LIN9: variants seen among roughly 807,000 people sequenced by gnomAD.
The protein encoded by LIN9 is lin-9 DREAM MuvB core complex component, also known as protein lin-9 homolog.
In LIN9, 18 loss-of-function variants were observed where a neutral mutation model predicts 78.0. The observed-to-expected ratio is 0.23, with a 90% CI of 0.16 to 0.34. LIN9 has a LOEUF of 0.34. LIN9 is among the 10% of genes least tolerant of loss of function. The pLI is 1.00. For synonymous variants in LIN9, 192 were observed against 215.2 expected, an observed-to-expected ratio of 0.89 and a Z score of 0.94; for missense variants, 451 against 644.1, an observed-to-expected ratio of 0.70 and a Z score of 3.25.
intron 11 of LIN9, among the ~76,000 whole-genome samples, chr1:226,249,891 G>A (rs747117724): frequency 6.6e-6 from 1 of 152,110 alleles, no homozygotes; most frequent in Non-Finnish European, 1.5e-5. Context: ...ACTCTGGGCC[G>A]GGTGCTGTGG....
chr1:226,277,673 T>C (rs1660753698), intron 7 of LIN9, 102 bp downstream of exon 7: 1 of 1,025,208 alleles, frequency 9.8e-7, no homozygotes, highest in Non-Finnish European at 1.4e-6. Context: ...TAAATATTTC[T>C]TGGTAATTAA....
At chr1:226,234,319 A>G (rs1657544532) in intron 12 of LIN9, among the ~76,000 whole-genome samples, 1 of 152,006 alleles carries the variant, frequency 6.6e-6, no homozygotes, top group Non-Finnish European at 1.5e-5. Flanking sequence ...TGTTTTTCTC[A>G]CTCTTAACAC....
chr1:226,274,199 A>G (rs939699887), intron 7 of LIN9, among the ~76,000 whole-genome samples: 1 of 152,220 alleles, frequency 6.6e-6, no homozygotes, highest in Non-Finnish European at 1.5e-5. Context: ...TTGGCAACAC[A>G]ATAATTTCAT....
chr1:226,283,851 G>A (rs1661228099), intron 6 of LIN9, among the ~76,000 whole-genome samples: 1 of 151,974 alleles, frequency 6.6e-6, no homozygotes, highest in Non-Finnish European at 1.5e-5. Flanking sequence ...TACTCAGGAG[G>A]CTGAGGTAGG....
intron 4 of LIN9, among the ~76,000 whole-genome samples, chr1:226,290,373 C>T (rs1273840565): frequency 2.0e-5 from 3 of 148,150 alleles, no homozygotes; most frequent in African/African-American, 5.0e-5. Flanking sequence ...TGGAGTCTCG[C>T]TCTGTTGCCC....
chr1:226,232,606 A>C lies in LIN9; in HGVS notation c.1524T>G (p.Ser508Arg). 1 of 1,583,038 alleles carries C rather than the reference A, an allele frequency of 6.3e-7. No homozygotes were observed. Among genetic ancestry groups the C allele is most frequent in the Non-Finnish European group, 8.6e-7 (1 of 1,161,806 alleles). ...GGATTTCTACATTATTCTGAAAGCA[A>C]CTAAAGAAAGAAGAAACATGGTTAA... ...IKSTIDASNI[S>R]CFQNNVEIHV... Residue 508 changes from serine (S) to arginine (R), a missense_variant and splice_region_variant, in exon 15 of 15, where the codon AGT (serine) becomes AGG (arginine). Ser to Arg is a moderately radical substitution (Grantham distance 110). Transcript: ENST00000681046.
intron 11 of LIN9, among the ~76,000 whole-genome samples, chr1:226,246,521 G>A (rs1273264302): frequency 8.6e-5 from 13 of 151,748 alleles, no homozygotes; most frequent in Non-Finnish European, 1.5e-5. Flanking sequence ...GGTGGCTCAC[G>A]CCTGTAATCC....
chr1:226,287,376 T>C (rs1002419314), intron 5 of LIN9, among the ~76,000 whole-genome samples: 3 of 152,170 alleles, frequency 2.0e-5, no homozygotes, highest in Non-Finnish European at 4.4e-5. Context: ...TCACTGCAAA[T>C]AATGGTGTTT....
intron 6 of LIN9, among the ~76,000 whole-genome samples, chr1:226,278,903 C>T (rs1191398337): frequency 4.7e-5 from 7 of 148,602 alleles, no homozygotes; most frequent in Non-Finnish European, 8.9e-5. Context: ...GGGTAGATAT[C>T]GAGGTCAGGA....
chr1:226,231,996 T>C lies in LIN9; in HGVS notation c.*505A>G. On this transcript the variant is annotated 3_prime_UTR_variant, in exon 15 of 15. Transcript: ENST00000681046. ...CCCATCTATATTTCAGTGGTTTCCT[T>C]AAAACTAGGACTTCCCACACCTCAT... 1 of 397,218 alleles carries C rather than the reference T, an allele frequency of 2.5e-6. No individual in the cohort carries two copies. The highest frequency in any genetic ancestry group is 4.4e-6 in the Non-Finnish European group (1 of 225,238). The allele number at this position is 397,218 out of a possible 1,614,324, so 24.6% of individuals were successfully genotyped here. A position where few individuals can be genotyped will look rare whatever the true frequency, so the allele number is the denominator to read the frequency against.
intron 8 of LIN9, among the ~76,000 whole-genome samples, chr1:226,266,569 A>G (rs1659921539): frequency 6.6e-6 from 1 of 151,268 alleles, no homozygotes; most frequent in South Asian, 2.1e-4. Flanking sequence ...GAACCTCCAG[A>G]AGAAAAAAAG....
intron 14 of LIN9, 53 bp from the exon 15 acceptor site, chr1:226,232,659 A>C (rs1657412907): frequency 1.7e-6 from 2 of 1,174,290 alleles, no homozygotes; most frequent in South Asian, 1.5e-5. Flanking sequence ...ATTAAGAAAA[A>C]AATTTTTAAA....
chr1:226,235,392 C>T (rs1344803621), intron 12 of LIN9, among the ~76,000 whole-genome samples: 1 of 144,166 alleles, frequency 6.9e-6, no homozygotes, highest in Non-Finnish European at 1.5e-5. Context: ...ATTCTACTAA[C>T]TAGAGTTCAA....
At chr1:226,300,175 T>C (rs1388187818) in intron 2 of LIN9, among the ~76,000 whole-genome samples, 1 of 152,086 alleles carries the variant, frequency 6.6e-6, no homozygotes, top group Non-Finnish European at 1.5e-5. Flanking sequence ...TGAGCTCAAG[T>C]GGTCCGCCTG....
Position 226,287,703 on chromosome 1 carries a change from T to G in LIN9, c.359A>C (p.Lys120Thr). The G allele has an allele frequency of 6.4e-7, 1 of 1,554,770 alleles. No homozygotes were observed. The highest frequency in any genetic ancestry group is 8.6e-7 in the Non-Finnish European group (1 of 1,159,196). ...ATAGAACCACTCGTATATACACCATTTATGTGCTTTAGGAAGCTTGAGCAG... is the reference window on the plus strand; with the variant it reads ...ATAGAACCACTCGTATATACACCATGTATGTGCTTTAGGAAGCTTGAGCAG... ...RNLLKLPKAH[K>T]WCIYEWFYSN... Residue 120 changes from lysine to threonine, a missense_variant, in exon 5 of 15, where the codon AAA (lysine) becomes ACA (threonine). Physicochemically the swap from Lys to Thr is moderately conservative, Grantham distance 78 (BLOSUM62 -1). Transcript: ENST00000681046.
chr1:226,274,203 A>C (rs1660487167), intron 7 of LIN9, among the ~76,000 whole-genome samples: 1 of 152,186 alleles, frequency 6.6e-6, no homozygotes, highest in Non-Finnish European at 1.5e-5. Flanking sequence ...CAACACAATA[A>C]TTTCATTTTA....
chr1:226,234,035 G>A (rs1201279093), intron 12 of LIN9, among the ~76,000 whole-genome samples: 1 of 152,186 alleles, frequency 6.6e-6, no homozygotes, highest in Non-Finnish European at 1.5e-5. Flanking sequence ...TACTACAAAT[G>A]TGGTGCTGAG....
intron 12 of LIN9, among the ~76,000 whole-genome samples, chr1:226,233,786 T>A (rs1657508791): frequency 6.6e-6 from 1 of 152,242 alleles, no homozygotes; most frequent in Non-Finnish European, 1.5e-5. Flanking sequence ...TACTCAGATT[T>A]ACTGTTTATG....
rs150072199 is a variant in LIN9 at position 226,256,402 on chromosome 1, TTC to T, written c.1039-5485_1039-5484del. Among the ~76,000 whole-genome samples, 543 of 151,958 alleles carry T rather than the reference TTC, an allele frequency of 3.6e-3. 7 individuals carry two copies. The highest frequency in any genetic ancestry group is 0.012 in the African/African-American group (509 of 41,468). Reference sequence around the variant, plus strand: ...ACCTCTGCACCCTATGAAATTATCATTCAAAAGTAAAACAGGACTGGGCATCA... The same window carrying T: ...ACCTCTGCACCCTATGAAATTATCATAAAAGTAAAACAGGACTGGGCATCA... On this transcript the variant is annotated intron_variant, in intron 10 of 14. Transcript: ENST00000681046.
Sources: gnomAD v4.1 joint callset for allele counts (sites outside exome capture counted in the v4.1 genomes callset) on GRCh38, gnomAD v4.1.1 for gene constraint, MANE v1.5 for transcripts, NCBI Gene and HGNC (gene_info 2026-07-23, HGNC 2026-07-21) for gene names.